Variants in LIPC observed in about 807,000 individuals in gnomAD.
The protein encoded by LIPC is hepatic triacylglycerol lipase.
Under a neutral mutation model 50.7 loss-of-function variants are expected in LIPC, and 44 were observed. The ratio of observed to expected loss-of-function variants is 0.87; its 90% CI spans 0.68 to 1.11. The LOEUF is 1.11. Among genes scored for constraint, LIPC ranks in the 50% most tolerant of loss-of-function variants. The pLI is 0.00. For synonymous variants in LIPC, 271 were observed against 256.4 expected (o/e 1.06, Z -0.54); for missense variants, 697 against 648.2 (o/e 1.08, Z -0.82).
chr15:58,502,509 C>CT (rs11332551), intron 1 of LIPC, among the ~76,000 whole-genome samples: 111,204 of 144,384 alleles, frequency 0.77, 43,067 homozygotes, highest in South Asian at 0.87. Flanking sequence ...GTAATTTTCT[C>CT]TTTTTTTTTT....
At chr15:58,441,222 C>A (rs1291694049) in intron 1 of LIPC, among the ~76,000 whole-genome samples, 1 of 152,312 alleles carries the variant, frequency 6.6e-6, no homozygotes, top group Non-Finnish European at 1.5e-5. Context: ...TGGAGCAAGT[C>A]TCTTTGAAGT....
intron 8 of LIPC, among the ~76,000 whole-genome samples, chr15:58,567,635 A>C (rs764310932): frequency 3.9e-5 from 6 of 152,098 alleles, no homozygotes; most frequent in Admixed American, 1.3e-4. Flanking sequence ...TAACAGTAGG[A>C]AAATGCATTG....
chr15:58,432,735 G>C (rs957537182), intron 1 of LIPC, among the ~76,000 whole-genome samples: 1 of 152,230 alleles, frequency 6.6e-6, no homozygotes. Flanking sequence ...TTATCAGGAA[G>C]GTAGTAGAGT....
chr15:58,469,102 T>TTA (rs149021757), intron 1 of LIPC, among the ~76,000 whole-genome samples: 1 of 140,624 alleles, frequency 7.1e-6, no homozygotes, highest in Non-Finnish European at 1.5e-5. Flanking sequence ...AGGGAACATT[T>TTA]TGTGTGTGTG....
intron 1 of LIPC, among the ~76,000 whole-genome samples, chr15:58,464,649 A>G (rs923850814): frequency 2.6e-5 from 4 of 152,128 alleles, no homozygotes; most frequent in Non-Finnish European, 4.4e-5. Context: ...TTGTTTTTCT[A>G]GAAATTTCAG....
At chr15:58,451,359 T>A (rs1893893278) in intron 1 of LIPC, among the ~76,000 whole-genome samples, 1 of 152,196 alleles carries the variant, frequency 6.6e-6, no homozygotes, top group Non-Finnish European at 1.5e-5. Context: ...GTAACATAGA[T>A]GTCCAAATTA....
chr15:58,512,963 A>G (rs1475654605), intron 1 of LIPC, among the ~76,000 whole-genome samples: 1 of 144,470 alleles, frequency 6.9e-6, no homozygotes, highest in Admixed American at 7.1e-5. Flanking sequence ...GCATCAACGA[A>G]AAAAAAAAAA....
At position 58,541,893 on chromosome 15, in the gene LIPC, G is replaced by A. The variant is rs267604272; in HGVS notation, c.382G>A (p.Asp128Asn). 12 of 1,612,128 alleles carry A rather than the reference G, an allele frequency of 7.4e-6. No homozygotes were observed. In the East Asian group the frequency reaches 1.6e-4, roughly 21 times the overall value. ...GGTGGACTGGATCACCCTGGCCCAC[G>A]ACCACTACACCATCGCCGTCCGCAA... is the stretch of plus-strand genomic sequence containing the variant. ...GLVDWITLAHDHYTIAVRNTR... is the reference protein window; with the variant it reads ...GLVDWITLAHNHYTIAVRNTR... Residue 128 changes from aspartate to asparagine, a missense_variant, in exon 3 of 9, where the codon GAC becomes AAC. Asp to Asn is a conservative substitution (Grantham distance 23). Coordinates refer to ENST00000299022, the MANE Select transcript of LIPC (RefSeq NM_000236.3).
chr15:58,530,738 G>A (rs922711856), intron 1 of LIPC, among the ~76,000 whole-genome samples: 1 of 152,114 alleles, frequency 6.6e-6, no homozygotes, highest in African/African-American at 2.4e-5. Flanking sequence ...TTTCCAGAAC[G>A]TCCTGTAAAT....
chr15:58,565,265 G>A (rs1026242853), intron 8 of LIPC: 12 of 1,535,538 alleles, frequency 7.8e-6, no homozygotes, highest in Non-Finnish European at 7.8e-6. Context: ...TTGGCCCATT[G>A]GAGCAGCGCT....
At chr15:58,505,041 C>A (rs1046339535) in intron 1 of LIPC, among the ~76,000 whole-genome samples, 13 of 152,218 alleles carry the variant, frequency 8.5e-5, no homozygotes, top group African/African-American at 3.1e-4. Flanking sequence ...GAGGAACCAC[C>A]AAGGCAAAGA....
intron 1 of LIPC, among the ~76,000 whole-genome samples, chr15:58,474,797 C>T (rs1890935015): frequency 6.6e-6 from 1 of 152,192 alleles, no homozygotes; most frequent in Admixed American, 6.5e-5. Flanking sequence ...CTCCTCCACT[C>T]ATGGCCCTCC....
At chr15:58,461,232 A>G (rs1241867050) in intron 1 of LIPC, among the ~76,000 whole-genome samples, 1 of 152,254 alleles carries the variant, frequency 6.6e-6, no homozygotes, top group Non-Finnish European at 1.5e-5. Context: ...TATACCAGTT[A>G]TCCCACCAAG....
chr15:58,478,343 T>A (rs4775054), intron 1 of LIPC, among the ~76,000 whole-genome samples: 145,859 of 152,218 alleles, frequency 0.96, 70,213 homozygotes, highest in East Asian at 1. Flanking sequence ...GGTTCAAGCT[T>A]TTCTCTGGCC....
At chr15:58,448,174 A>G (rs1405243399) in intron 1 of LIPC, among the ~76,000 whole-genome samples, 1 of 152,236 alleles carries the variant, frequency 6.6e-6, no homozygotes, top group Non-Finnish European at 1.5e-5. Flanking sequence ...TGTTGTCACC[A>G]AATGGCTGTG....
chr15:58,568,977 A>G lies in LIPC; in HGVS notation c.*150A>G, dbSNP rs1894474994. The G allele has an allele frequency of 7.3e-6, 4 of 545,174 alleles. No homozygotes were observed. The Admixed American group carries it at 1.0e-4, about 14-fold the overall frequency. The allele number at this position is 545,174 out of a possible 1,614,324, so 33.8% of individuals were successfully genotyped here. On this transcript the variant is annotated 3_prime_UTR_variant, in exon 9 of 9. Transcript: ENST00000299022. ...AGGGGGGTATGTTTCACTCTCATAAACTGAGCTTTTAAAAACGATATGATA... is the reference window on the plus strand; with the variant it reads ...AGGGGGGTATGTTTCACTCTCATAAGCTGAGCTTTTAAAAACGATATGATA...
intron 1 of LIPC, among the ~76,000 whole-genome samples, chr15:58,441,238 T>A (rs1893499154): frequency 6.6e-6 from 1 of 152,242 alleles, no homozygotes; most frequent in Admixed American, 6.5e-5. Flanking sequence ...GAAGTTTTCT[T>A]ATGAATTGCT....
chr15:58,470,252 TA>T (rs1351773159), intron 1 of LIPC, among the ~76,000 whole-genome samples: 2 of 152,194 alleles, frequency 1.3e-5, no homozygotes, highest in South Asian at 4.1e-4. Context: ...CTTTGAATTT[TA>T]AAAGACTGTA....
intron 1 of LIPC, among the ~76,000 whole-genome samples, chr15:58,482,202 C>T (rs1891211663): frequency 6.6e-6 from 1 of 152,186 alleles, no homozygotes; most frequent in African/African-American, 2.4e-5. Flanking sequence ...AGCCCTGTCC[C>T]CAGCCACCCA....
Sources: gnomAD v4.1 joint callset for allele counts (sites outside exome capture counted in the v4.1 genomes callset) on GRCh38, gnomAD v4.1.1 for gene constraint, MANE v1.5 for transcripts, NCBI Gene and HGNC (gene_info 2026-07-23, HGNC 2026-07-21) for gene names.